ASAP2: variants seen among roughly 807,000 people sequenced by gnomAD.
ASAP2 encodes arf-GAP with SH3 domain, ANK repeat and PH domain-containing protein 2.
Under a neutral mutation model 131.4 loss-of-function variants are expected in ASAP2, and 45 were observed. That is an observed-to-expected ratio of 0.34 (90% CI 0.27 to 0.44). ASAP2 has a LOEUF of 0.44. Ranked by LOEUF, ASAP2 falls within the 20% of genes least tolerant of loss-of-function variation. The pLI is 1.00. For synonymous variants in ASAP2, 510 were observed against 503.0 expected (o/e 1.01, Z -0.19); for missense variants, 1,011 against 1,297.0 (o/e 0.78, Z 3.39).
intron 1 of ASAP2, among the ~76,000 whole-genome samples, chr2:9,228,095 A>C (rs1186144814): frequency 6.6e-6 from 1 of 152,194 alleles, no homozygotes; most frequent in Non-Finnish European, 1.5e-5. Context: ...AATGGGGGTG[A>C]ATCTTTTAAT....
chr2:9,208,324 T>A lies in ASAP2; in HGVS notation c.126+1094T>A, dbSNP rs2147915831. ...TGCAGGTGTTTTAGCAGAAGACGCC[T>A]GGGCTAGCAGGAGTGTGTGTGTGGG... On this transcript the variant is annotated intron_variant, in intron 1 of 27. Coordinates refer to ENST00000281419, the MANE Select transcript of ASAP2 (RefSeq NM_003887.3). 3.4e-5 allele frequency among the ~76,000 whole-genome samples: 3 copies of A among 88,518 alleles called. No homozygotes were observed. The Admixed American group carries it at 5.6e-4, about 16-fold the overall frequency. 58.1% of individuals were successfully genotyped at this position (88,518 alleles called of 152,430 possible).
At chr2:9,354,734 G>A (rs886550814) in intron 12 of ASAP2, among the ~76,000 whole-genome samples, 6 of 152,080 alleles carry the variant, frequency 3.9e-5, no homozygotes, top group African/African-American at 1.2e-4. Context: ...TTCTGCTGCT[G>A]GCTATGCTTG....
chr2:9,229,552 G>T (rs1049572999), intron 1 of ASAP2, among the ~76,000 whole-genome samples: 1 of 152,216 alleles, frequency 6.6e-6, no homozygotes, highest in Non-Finnish European at 1.5e-5. Context: ...AGGGAGGAGC[G>T]GAGCGGTTGT....
At chr2:9,275,264 G>A (rs764493800) in intron 1 of ASAP2, among the ~76,000 whole-genome samples, 1 of 151,950 alleles carries the variant, frequency 6.6e-6, no homozygotes, top group South Asian at 2.1e-4. Flanking sequence ...TAGAGACAGG[G>A]TGTCACTGTT....
At chr2:9,375,664 C>A (rs1361744829) in intron 17 of ASAP2, among the ~76,000 whole-genome samples, 2 of 152,218 alleles carry the variant, frequency 1.3e-5, no homozygotes, top group Non-Finnish European at 2.9e-5. Context: ...ACTTTGTACC[C>A]ACCTAGTGGT....
At chr2:9,366,561 C>T (rs943999897) in intron 15 of ASAP2, among the ~76,000 whole-genome samples, 18 of 152,206 alleles carry the variant, frequency 1.2e-4, no homozygotes, top group African/African-American at 4.3e-4. Context: ...GCATTAGCTT[C>T]CTGGTGCATA....
chr2:9,281,405 G>A lies in ASAP2; in HGVS notation c.199+2016G>A, dbSNP rs940406374. 4.6e-5 allele frequency among the ~76,000 whole-genome samples: 7 copies of A among 152,182 alleles called. No individual in the cohort carries two copies. Among genetic ancestry groups the A allele is most frequent in the African/African-American group, 1.7e-4 (7 of 41,452 alleles). On this transcript the variant is annotated intron_variant, in intron 2 of 27. Coordinates refer to ENST00000281419, the MANE Select transcript of ASAP2 (RefSeq NM_003887.3). This position sits in a 1 kb window ranked among gnomAD's most constrained non-coding sequence, Gnocchi z 4.0. ...AACAGCCCTGCATTTGAAGGGAGAA[G>A]GCGCTAGTGCTTCGGTGTCAGGAAG...
At chr2:9,314,048 A>G (rs867965901) in intron 3 of ASAP2, among the ~76,000 whole-genome samples, 1 of 152,174 alleles carries the variant, frequency 6.6e-6, no homozygotes, top group Non-Finnish European at 1.5e-5. Context: ...CAGTGGTGTC[A>G]TCTTGGCTCA....
chr2:9,325,446 G>C (rs899719834), intron 6 of ASAP2, among the ~76,000 whole-genome samples: 20 of 152,216 alleles, frequency 1.3e-4, no homozygotes, highest in Non-Finnish European at 2.9e-4. Context: ...TTAAGTAGTA[G>C]TGTTTTACAA....
At chr2:9,219,440 AT>A (rs920833896) in intron 1 of ASAP2, among the ~76,000 whole-genome samples, 1 of 152,132 alleles carries the variant, frequency 6.6e-6, no homozygotes, top group African/African-American at 2.4e-5. Context: ...TTTGGACTAG[AT>A]GTTCTCTGAC....
chr2:9,402,881 G>A (rs567684709), intron 27 of ASAP2, among the ~76,000 whole-genome samples: 8 of 152,288 alleles, frequency 5.3e-5, no homozygotes, highest in African/African-American at 7.2e-5. Context: ...TTTAGGTGAC[G>A]TTGCAGCTCA....
At chr2:9,251,658 G>T (rs918506607) in intron 1 of ASAP2, among the ~76,000 whole-genome samples, 6 of 152,130 alleles carry the variant, frequency 3.9e-5, no homozygotes, top group South Asian at 2.1e-4. Context: ...GCTGGGGGGC[G>T]CACCTTGTTG....
intron 7 of ASAP2, among the ~76,000 whole-genome samples, chr2:9,329,037 C>T (rs1273180023): frequency 2.0e-5 from 3 of 152,166 alleles, no homozygotes; most frequent in African/African-American, 7.2e-5. Flanking sequence ...ACAGTAGGTA[C>T]TCGGCTGTTT....
At chr2:9,332,190 A>G (rs1307228934) in intron 7 of ASAP2, among the ~76,000 whole-genome samples, 1 of 152,174 alleles carries the variant, frequency 6.6e-6, no homozygotes, top group Non-Finnish European at 1.5e-5. Flanking sequence ...GTTGATGGTA[A>G]AAGTTCTGTG....
intron 1 of ASAP2, among the ~76,000 whole-genome samples, chr2:9,270,907 C>T (rs1236192638): frequency 6.7e-6 from 1 of 150,042 alleles, no homozygotes; most frequent in South Asian, 2.1e-4. Context: ...ATTCTCCTGC[C>T]TCAGCCTCCC....
chr2:9,393,923 A>G (rs1675920981), intron 24 of ASAP2, among the ~76,000 whole-genome samples: 1 of 152,224 alleles, frequency 6.6e-6, no homozygotes, highest in African/African-American at 2.4e-5. Flanking sequence ...CTCACCCCCC[A>G]GGTGGTCTCT....
intron 1 of ASAP2, among the ~76,000 whole-genome samples, chr2:9,278,044 A>G (rs759826290): frequency 2.0e-5 from 3 of 152,206 alleles, no homozygotes; most frequent in Non-Finnish European, 2.9e-5. Flanking sequence ...AGGTTGTTGC[A>G]GGTTTTTATG....
At chr2:9,327,535 A>T (rs1034281983) in intron 6 of ASAP2, among the ~76,000 whole-genome samples, 2 of 152,182 alleles carry the variant, frequency 1.3e-5, no homozygotes, top group Non-Finnish European at 2.9e-5. Context: ...AACCATCCAT[A>T]GTCTTCCATG....
At chr2:9,374,596 G>A (rs750761742) in intron 16 of ASAP2, among the ~76,000 whole-genome samples, 159 bp from the exon 17 acceptor site, 6 of 152,212 alleles carry the variant, frequency 3.9e-5, no homozygotes, top group Admixed American at 1.3e-4. Context: ...CAGTGCAGCC[G>A]TAGAACCACA....
Sources: allele counts gnomAD v4.1 joint callset (sites outside exome capture counted in the v4.1 genomes callset), GRCh38; gene constraint gnomAD v4.1.1; non-coding constraint Gnocchi (gnomAD v3.1); transcripts MANE v1.5; gene names NCBI Gene and HGNC (gene_info 2026-07-23, HGNC 2026-07-21).